PRKG1: variants seen among roughly 807,000 people sequenced by gnomAD.
The protein encoded by PRKG1 is protein kinase cGMP-dependent 1.
PRKG1 carries 35 observed loss-of-function variants against 88.1 expected under a neutral mutation model. The observed-to-expected ratio is 0.40, with a 90% CI of 0.30 to 0.53. PRKG1 has a LOEUF of 0.53. PRKG1 is among the 20% of genes least tolerant of loss of function. The probability of loss-of-function intolerance (pLI) is 0.59; values close to 1 mark genes in which losing one functional copy is unlikely to be tolerated. For synonymous variants in PRKG1, 303 were observed against 292.5 expected (o/e 1.04, Z -0.37); for missense variants, 540 against 839.8 (o/e 0.64, Z 4.41).
chr10:51,602,422 C>T (rs1838629896), intron 3 of PRKG1, among the ~76,000 whole-genome samples: 1 of 151,930 alleles, frequency 6.6e-6, no homozygotes, highest in African/African-American at 2.4e-5. Context: ...TATCCTGTGT[C>T]ACTTTGGGTT....
chr10:51,653,598 G>A (rs4376848), intron 3 of PRKG1, among the ~76,000 whole-genome samples: 2,692 of 150,404 alleles, frequency 0.018, 87 homozygotes, highest in African/African-American at 0.063. Flanking sequence ...GTAGAGTCTC[G>A]CCCTGTTGCC....
chr10:51,015,321 A>C (rs74528397), intron 1 of PRKG1, among the ~76,000 whole-genome samples: 2,692 of 152,252 alleles, frequency 0.018, 106 homozygotes, highest in South Asian at 0.13. Flanking sequence ...AAAACCTACT[A>C]TGTTCAAGAT....
intron 2 of PRKG1, among the ~76,000 whole-genome samples, chr10:51,336,668 A>G (rs1841883913): frequency 6.6e-6 from 1 of 152,166 alleles, no homozygotes; most frequent in Non-Finnish European, 1.5e-5. Context: ...TACTTCCAAC[A>G]TTGTAAAGCA....
At chr10:51,393,792 T>A (rs557250602) in intron 2 of PRKG1, among the ~76,000 whole-genome samples, 2 of 152,202 alleles carry the variant, frequency 1.3e-5, no homozygotes, top group Non-Finnish European at 2.9e-5. Flanking sequence ...TTTGTCTTAT[T>A]GTTGAAAAAT....
intron 9 of PRKG1, among the ~76,000 whole-genome samples, chr10:52,238,906 G>C (rs879826978): frequency 7.0e-6 from 1 of 143,600 alleles, no homozygotes; most frequent in Non-Finnish European, 1.5e-5. Context: ...CAATAGCAAA[G>C]ACTTGGAACC....
intron 8 of PRKG1, among the ~76,000 whole-genome samples, chr10:52,156,918 A>G (rs1838123303): frequency 6.6e-6 from 1 of 151,708 alleles, no homozygotes; most frequent in African/African-American, 2.4e-5. Flanking sequence ...TGAAATTAAG[A>G]AGGCGTAGCC....
intron 9 of PRKG1, among the ~76,000 whole-genome samples, chr10:52,226,889 A>C (rs1399059787): frequency 7.2e-5 from 11 of 152,164 alleles, no homozygotes; most frequent in African/African-American, 2.7e-4. Flanking sequence ...TCCTTTGAAA[A>C]TGTGCAGATG....
chr10:51,553,963 TATTA>T (rs1360817091), intron 3 of PRKG1, among the ~76,000 whole-genome samples: 2 of 133,982 alleles, frequency 1.5e-5, no homozygotes, highest in African/African-American at 5.7e-5. Context: ...TATATGTATG[TATTA>T]GATACGTGCA....
chr10:52,001,084 G>A (rs185640801), intron 5 of PRKG1, among the ~76,000 whole-genome samples: 2 of 151,910 alleles, frequency 1.3e-5, no homozygotes, highest in East Asian at 1.9e-4. Flanking sequence ...CCACATTTAA[G>A]TGAGGTCATG....
At chr10:51,060,299 TG>T (rs1300761684) in intron 1 of PRKG1, among the ~76,000 whole-genome samples, 1 of 152,118 alleles carries the variant, frequency 6.6e-6, no homozygotes, top group African/African-American at 2.4e-5. Flanking sequence ...TAATACATTT[TG>T]ATCTGTCATT....
At chr10:51,970,857 C>T (rs1280287758) in intron 5 of PRKG1, among the ~76,000 whole-genome samples, 1 of 145,784 alleles carries the variant, frequency 6.9e-6, no homozygotes, top group East Asian at 2.0e-4. Flanking sequence ...TATCTCCATC[C>T]CCAACAGAAG....
In PRKG1 at chr10:51,858,291, AC is replaced by A. The variant is rs1458793995; in HGVS notation, c.699-49215del. Among the ~76,000 whole-genome samples the A allele has an allele frequency of 7.9e-4, 12 of 15,128 alleles. 1 individual carries two copies. Among genetic ancestry groups the A allele is most frequent in the South Asian group, 3.0e-3 (1 of 328 alleles). 9.9% of individuals were successfully genotyped at this position (15,128 alleles called of 152,430 possible). On this transcript the variant is annotated intron_variant, in intron 4 of 17. Coordinates refer to ENST00000373980, the MANE Select transcript of PRKG1 (RefSeq NM_006258.4). ...TAATATTATACATATGTATAATTAT[AC>A]ATATGTATAATATATATATGTATAA...
intron 2 of PRKG1, among the ~76,000 whole-genome samples, chr10:51,347,261 G>A (rs956207782): frequency 6.6e-6 from 1 of 152,028 alleles, no homozygotes; most frequent in East Asian, 1.9e-4. Flanking sequence ...TAAGCACCTC[G>A]CCCTGGATCA....
At position 52,298,151 on chromosome 10, in the gene PRKG1, TG is replaced by T. The variant is rs1303075600; in HGVS notation, c.*4252del. 6.6e-6 allele frequency: 1 copy of T among 152,104 alleles called. No homozygotes were observed. The highest frequency in any genetic ancestry group is 6.6e-5 in the Admixed American group (1 of 15,238). The allele number at this position is 152,104 out of a possible 1,614,324, so 9.4% of individuals were successfully genotyped here. On this transcript the variant is annotated 3_prime_UTR_variant, in exon 18 of 18. Transcript: ENST00000373980. ...TTGTCCTCTTACAATTTGTTCTACA[TG>T]AAAGAGTTCTTTGTTAGTCAGAATG...
At chr10:52,019,108 A>G (rs1464968571) in intron 5 of PRKG1, among the ~76,000 whole-genome samples, 1 of 152,058 alleles carries the variant, frequency 6.6e-6, no homozygotes, top group African/African-American at 2.4e-5. Context: ...GCGTAGGGGG[A>G]GGTACCAGGC....
chr10:51,480,284 G>A (rs75608692), intron 3 of PRKG1, among the ~76,000 whole-genome samples: 14,958 of 152,130 alleles, frequency 0.098, 803 homozygotes, highest in South Asian at 0.15. Flanking sequence ...TCACAGTACA[G>A]GTAAGGTGTC....
Position 50,991,304 on chromosome 10 carries a change from C to A in PRKG1, c.-75C>A, listed in dbSNP as rs559862615. 3.5e-4 allele frequency: 504 copies of A among 1,426,278 alleles called. 3 individuals are homozygous for A. In the African/African-American group the frequency reaches 8.3e-3, roughly 24 times the overall value. The allele number at this position is 1,426,278 out of a possible 1,614,324, so 88.4% of individuals were successfully genotyped here. A position where few individuals can be genotyped will look rare whatever the true frequency, so the allele number is the denominator to read the frequency against. ...ACCCGCGCTCTCCGCTGCCGGCTGC[C>A]GTCCCAGCCGCCGCCGCCGCCGCCG... On this transcript the variant is annotated 5_prime_UTR_variant, in exon 1 of 18. Coordinates refer to the PRKG1 transcript ENST00000401604. The surrounding 1 kb of genome is among the most constrained non-coding windows in gnomAD (Gnocchi z 4.5).
chr10:52,169,823 T>A (rs532581635), intron 9 of PRKG1, among the ~76,000 whole-genome samples: 1 of 152,268 alleles, frequency 6.6e-6, no homozygotes, highest in Non-Finnish European at 1.5e-5. Flanking sequence ...AGATTATGGA[T>A]CTTCAGTACT....
At chr10:51,248,844 G>A (rs1466385306) in intron 2 of PRKG1, among the ~76,000 whole-genome samples, 1 of 151,426 alleles carries the variant, frequency 6.6e-6, no homozygotes, top group African/African-American at 2.4e-5. Context: ...AAGGTAAAAT[G>A]CTTTAATTAC....
Sources: gnomAD v4.1 joint callset for allele counts (sites outside exome capture counted in the v4.1 genomes callset) on GRCh38, gnomAD v4.1.1 for gene constraint, Gnocchi (gnomAD v3.1) non-coding constraint, MANE v1.5 for transcripts, NCBI Gene and HGNC (gene_info 2026-07-23, HGNC 2026-07-21) for gene names.